Variants in BMS1 observed in about 807,000 individuals in gnomAD.
BMS1 encodes the protein ribosome biogenesis protein BMS1 homolog.
In BMS1, 53 loss-of-function variants were observed where a neutral mutation model predicts 138.7. The ratio of observed to expected loss-of-function variants is 0.38; its 90% CI spans 0.31 to 0.48. The LOEUF (loss-of-function observed/expected upper bound fraction) is 0.48. Among genes scored for constraint, BMS1 ranks in the 20% least tolerant of loss-of-function variants. The pLI is 0.97. For synonymous variants in BMS1, 504 were observed against 539.9 expected, an observed-to-expected ratio of 0.93 and a Z score of 0.92; for missense variants, 1,360 against 1,565.5, an observed-to-expected ratio of 0.87 and a Z score of 2.22.
At chr10:42,798,234 C>T (rs887784474) in intron 11 of BMS1, among the ~76,000 whole-genome samples, 1 of 152,164 alleles carries the variant, frequency 6.6e-6, no homozygotes, top group African/African-American at 2.4e-5. Context: ...TAGCTGCTCC[C>T]GTGCAGGAGC....
At chr10:42,785,396 A>G in intron 2 of BMS1, 86 bp from the exon 3 acceptor site, 1 of 1,246,788 alleles carries the variant, frequency 8.0e-7, no homozygotes, top group Non-Finnish European at 1.1e-6. Flanking sequence ...GTGTACCAAA[A>G]AAGTCTACTT....
At position 42,823,470 on chromosome 10, in the gene BMS1, T is replaced by C. The variant is rs1842558487; in HGVS notation, c.3281-139T>C. ...ACAGTTCTGTGATCTATGAGAATAGTTTCCTTAGCGAGCTTTTCCTTCAAA... is the reference window on the plus strand; with the variant it reads ...ACAGTTCTGTGATCTATGAGAATAGCTTCCTTAGCGAGCTTTTCCTTCAAA... On this transcript the variant is annotated intron_variant, in intron 20 of 22. Coordinates refer to ENST00000374518, the MANE Select transcript of BMS1 (RefSeq NM_014753.4). The C allele has an allele frequency of 2.7e-6, 3 of 1,115,834 alleles. No homozygotes were observed. In the African/African-American group the frequency reaches 4.8e-5, roughly 18 times the overall value. The allele number at this position is 1,115,834 out of a possible 1,614,324, so 69.1% of individuals were successfully genotyped here.
rs779162489 is a variant in BMS1 at position 42,798,608 on chromosome 10, G to T, written c.2230G>T (p.Asp744Tyr). The change falls in exon 12 of 23, where the codon GAC becomes TAC. Residue 744 changes from aspartate to tyrosine, a missense_variant. Asp to Tyr is a radical substitution (Grantham distance 160, BLOSUM62 -3). Coordinates refer to ENST00000374518, the MANE Select transcript of BMS1 (RefSeq NM_014753.4). ...CAGATTTCTTGTGGAGGCCCCCCAT[G>T]ACTGGGATTTAGAGGAGGTAAGTCT... The part of the protein sequence containing the change: ...CSRFLVEAPH[D>Y]WDLEEVMNSI... 2 of 1,614,248 alleles carry T rather than the reference G, an allele frequency of 1.2e-6. No individual in the cohort carries two copies. The highest frequency in any genetic ancestry group is 1.7e-6 in the Non-Finnish European group (2 of 1,180,038).
Position 42,790,628 on chromosome 10 carries a change from C to T in BMS1, c.636+117C>T, listed in dbSNP as rs569031906. The T allele has an allele frequency of 1.8e-4, 205 of 1,127,066 alleles. 1 individual carries two copies. The highest frequency in any genetic ancestry group is 9.3e-4 in the South Asian group (59 of 63,532). 69.8% of individuals were successfully genotyped at this position (1,127,066 alleles called of 1,614,324 possible). A position where few individuals can be genotyped will look rare whatever the true frequency, so the allele number is the denominator to read the frequency against. On this transcript the variant is annotated intron_variant, in intron 5 of 22. Transcript: ENST00000374518. Reference sequence around the variant, plus strand: ...CAGCACTTTGCAAGGCAGAGGCGGTCGGATCACTTGAGCCTAGAGTTTTGA... The same window carrying T: ...CAGCACTTTGCAAGGCAGAGGCGGTTGGATCACTTGAGCCTAGAGTTTTGA...
At position 42,831,814 on chromosome 10, in the gene BMS1, T is replaced by C. The variant is rs1460976019; in HGVS notation, c.*718T>C. 1 of 152,282 alleles carries C rather than the reference T, an allele frequency of 6.6e-6. No homozygotes were observed. The highest frequency in any genetic ancestry group is 1.9e-4 in the East Asian group (1 of 5,200). 9.4% of individuals were successfully genotyped at this position (152,282 alleles called of 1,614,324 possible). ...TCAGTGAGATAGGCTTCCCGTATTATGCTCATGCGTTATACCTGCCTAGCT... is the reference window on the plus strand; with the variant it reads ...TCAGTGAGATAGGCTTCCCGTATTACGCTCATGCGTTATACCTGCCTAGCT... On this transcript the variant is annotated 3_prime_UTR_variant, in exon 23 of 23. Coordinates refer to ENST00000374518, the MANE Select transcript of BMS1 (RefSeq NM_014753.4).
intron 19 of BMS1, among the ~76,000 whole-genome samples, chr10:42,822,893 A>T (rs1842541459): frequency 6.6e-6 from 1 of 152,218 alleles, no homozygotes; most frequent in Non-Finnish European, 1.5e-5. Context: ...GACAGCGGTG[A>T]TGAGCATGCC....
chr10:42,785,735 C>T lies in BMS1; in HGVS notation c.367+63C>T, dbSNP rs576292666. 12 of 1,528,644 alleles carry T rather than the reference C, an allele frequency of 7.9e-6. No homozygotes were observed. In the Middle Eastern group the frequency reaches 8.6e-4, roughly 110 times the overall value. 94.7% of individuals were successfully genotyped at this position (1,528,644 alleles called of 1,614,324 possible). A position where few individuals can be genotyped will look rare whatever the true frequency, so the allele number is the denominator to read the frequency against. On this transcript the variant is annotated intron_variant, in intron 3 of 22. Transcript: ENST00000374518. ...TGTTGTCATCTGAGGGACATGCATG[C>T]GTTTGTTGTTTTCTTGAGTGGAACA... is the stretch of plus-strand genomic sequence containing the variant.
chr10:42,785,758 A>G (rs1324048027), intron 3 of BMS1, 86 bp downstream of exon 3: 1 of 1,410,244 alleles, frequency 7.1e-7, no homozygotes, highest in African/African-American at 1.4e-5. Flanking sequence ...CTTGAGTGGA[A>G]CATGTTAAAT....
At chr10:42,796,296 C>T (rs1420968520) in intron 9 of BMS1, among the ~76,000 whole-genome samples, 178 bp from the exon 10 acceptor site, 1 of 152,092 alleles carries the variant, frequency 6.6e-6, no homozygotes, top group East Asian at 1.9e-4. Flanking sequence ...GAACCATGCC[C>T]GAGTTTGCTT....
chr10:42,821,092 T>A, intron 18 of BMS1, 100 bp downstream of exon 18: 1 of 994,588 alleles, frequency 1.0e-6, no homozygotes, highest in Non-Finnish European at 1.5e-6. Context: ...AATTACTCAT[T>A]TTTATTAATA....
At chr10:42,805,458 T>C (rs1407723388) in intron 13 of BMS1, among the ~76,000 whole-genome samples, 2 of 152,260 alleles carry the variant, frequency 1.3e-5, no homozygotes, top group East Asian at 3.8e-4. Flanking sequence ...AAAGTTGTTT[T>C]GGTTAATCTA....
At chr10:42,797,638 C>A in intron 11 of BMS1, 115 bp downstream of exon 11, 1 of 969,506 alleles carries the variant, frequency 1.0e-6, no homozygotes, top group Non-Finnish European at 1.6e-6. Flanking sequence ...CTGTCCATCA[C>A]ATTTCATATT....
chr10:42,799,231 T>C (rs1378006141), intron 12 of BMS1, among the ~76,000 whole-genome samples: 8 of 152,120 alleles, frequency 5.3e-5, no homozygotes, highest in African/African-American at 1.9e-4. Context: ...CACCTCAGCC[T>C]CCAGAGTAGC....
In BMS1 at chr10:42,793,960, C is replaced by A; in HGVS notation, c.1198C>A (p.Pro400Thr). ...SRVTLFSDSK[P>T]LGSEDIDNQG... is the part of the protein sequence containing the mutation. ...AGTGACGCTGTTTTCTGATTCCAAG[C>A]CACTTGGGTCAGAGGATATAGATAA... Residue 400 changes from proline (P) to threonine (T), a missense_variant, in exon 9 of 23, where the codon CCA becomes ACA. Physicochemically the swap from Pro to Thr is conservative, Grantham distance 38. Around this residue, in one of 3 missense-constraint regions of BMS1, gnomAD observed 697 missense variants for 686.2 expected, o/e 1.02. Coordinates refer to ENST00000374518, the MANE Select transcript of BMS1 (RefSeq NM_014753.4). 2 of 1,611,640 alleles carry A rather than the reference C, an allele frequency of 1.2e-6. No homozygotes were observed. Among genetic ancestry groups the A allele is most frequent in the Non-Finnish European group, 1.7e-6 (2 of 1,179,754 alleles).
rs532296537 is a variant in BMS1 at position 42,803,225 on chromosome 10, A to G, written c.2329+1007A>G. Among the ~76,000 whole-genome samples, 129 of 152,222 alleles carry G rather than the reference A, an allele frequency of 8.5e-4. 1 individual carries two copies. The highest frequency in any genetic ancestry group is 3.4e-3 in the Middle Eastern group (1 of 294). On this transcript the variant is annotated intron_variant, in intron 13 of 22. Transcript: ENST00000374518. ...TTTTATGTTTCCCAGGCTGGTCTCA[A>G]ACTCCTAGGCTTAAGAGATACTCCT...
In BMS1 at chr10:42,789,342, A is replaced by G. The variant is rs188226987; in HGVS notation, c.448-981A>G. 3.7e-3 allele frequency among the ~76,000 whole-genome samples: 564 copies of G among 152,282 alleles called. 10 individuals are homozygous for G. The highest frequency in any genetic ancestry group is 0.018 in the South Asian group (88 of 4,828). On this transcript the variant is annotated intron_variant, in intron 4 of 22. Coordinates refer to ENST00000374518, the MANE Select transcript of BMS1 (RefSeq NM_014753.4). ...TGTGCTTTCTCACAAGCCCACCTTC[A>G]TATATTCTGTGGTTTCGGATTTTGA...
In BMS1 at chr10:42,830,139, G is replaced by A. The variant is rs1001620000; in HGVS notation, c.3457-122G>A. 4.2e-5 allele frequency: 47 copies of A among 1,126,206 alleles called. 1 individual carries two copies. Among genetic ancestry groups the A allele is most frequent in the East Asian group, 1.0e-4 (4 of 39,260 alleles). The allele number at this position is 1,126,206 out of a possible 1,614,324, so 69.8% of individuals were successfully genotyped here. A position where few individuals can be genotyped will look rare whatever the true frequency, so the allele number is the denominator to read the frequency against. On this transcript the variant is annotated intron_variant, in intron 21 of 22. Transcript: ENST00000374518. ...GATTGAGTCCTGATTTCTCAGGGCC[G>A]GCAGACTCTGGTGTTACTAATCTTG... is the stretch of plus-strand genomic sequence containing the variant.
rs1360035019 is a variant in BMS1, at chr10:42,834,442, C to G, written c.*3346C>G. 1 of 151,758 alleles carries G rather than the reference C, an allele frequency of 6.6e-6. No homozygotes were observed. The highest frequency in any genetic ancestry group is 2.4e-5 in the African/African-American group (1 of 41,298). The allele number at this position is 151,758 out of a possible 1,614,324, so 9.4% of individuals were successfully genotyped here. A position where few individuals can be genotyped will look rare whatever the true frequency, so the allele number is the denominator to read the frequency against. ...TGCCCTTGGTACCGACTTCTAGTAT[C>G]TAGTATTTTGCCAGACTCAGGTATT... On this transcript the variant is annotated 3_prime_UTR_variant, in exon 23 of 23. Coordinates refer to ENST00000374518, the MANE Select transcript of BMS1 (RefSeq NM_014753.4).
intron 15 of BMS1, among the ~76,000 whole-genome samples, chr10:42,818,051 A>C (rs1225046912): frequency 1.3e-5 from 2 of 152,188 alleles, no homozygotes; most frequent in African/African-American, 4.8e-5. Context: ...CGGTGATCTC[A>C]CTCTGAAGGA....
Sources: allele counts gnomAD v4.1 joint callset (sites outside exome capture counted in the v4.1 genomes callset), GRCh38; gene constraint gnomAD v4.1.1; regional missense constraint gnomAD v4.1.1; transcripts MANE v1.5; gene names NCBI Gene and HGNC (gene_info 2026-07-23, HGNC 2026-07-21).